The following KLHL1 variants were observed in gnomAD, a reference collection of about 807,000 sequenced individuals.
The protein encoded by KLHL1 is kelch like family member 1.
Under a neutral mutation model 77.7 loss-of-function variants are expected in KLHL1, and 47 were observed. The observed-to-expected ratio is 0.60, with a 90% CI of 0.48 to 0.77. The LOEUF is 0.77. KLHL1 is among the 30% of genes least tolerant of loss of function. The pLI is 0.00. For synonymous variants in KLHL1, 360 were observed against 325.2 expected (o/e 1.11, Z -1.15); for missense variants, 925 against 910.8 (o/e 1.02, Z -0.20).
intron 1 of KLHL1, among the ~76,000 whole-genome samples, chr13:70,030,294 C>G (rs1886061544): frequency 2.6e-5 from 4 of 152,150 alleles, no homozygotes; most frequent in Admixed American, 2.6e-4. Context: ...AATACACATT[C>G]TTCTCAGCAC....
intron 1 of KLHL1, among the ~76,000 whole-genome samples, chr13:69,984,904 T>C (rs1356262408): frequency 6.6e-6 from 1 of 151,492 alleles, no homozygotes; most frequent in Non-Finnish European, 1.5e-5. Context: ...ATGTCAGGAG[T>C]TCAAGACCAG....
chr13:69,717,887 A>C (rs140013200), intron 9 of KLHL1, among the ~76,000 whole-genome samples: 41 of 152,262 alleles, frequency 2.7e-4, no homozygotes, highest in African/African-American at 9.6e-4. Context: ...AGAAAATCTT[A>C]AAGTGAAAAT....
chr13:70,084,189 A>C (rs893402005), intron 1 of KLHL1, among the ~76,000 whole-genome samples: 3 of 152,186 alleles, frequency 2.0e-5, no homozygotes, highest in African/African-American at 7.2e-5. Context: ...TTATACACAC[A>C]CATGTACACA....
rs535551895 is a variant in KLHL1, at chr13:69,723,802, C to T, written c.1803-4221G>A. Among the ~76,000 whole-genome samples the T allele has an allele frequency of 5.3e-5, 8 of 151,532 alleles. No homozygotes were observed. The South Asian group carries it at 6.2e-4, about 12-fold the overall frequency. On this transcript the variant is annotated intron_variant, in intron 8 of 10. Transcript: ENST00000377844. Reference sequence around the variant, plus strand: ...CTTATCATAACCCAGACATTCCTTTCGGCTGATAATAACTCTTTCAGCCAG... The same window carrying T: ...CTTATCATAACCCAGACATTCCTTTTGGCTGATAATAACTCTTTCAGCCAG...
chr13:69,784,881 C>CTTTTTTT (rs1566250066), intron 7 of KLHL1, among the ~76,000 whole-genome samples: 1 of 110,886 alleles, frequency 9.0e-6, no homozygotes. Flanking sequence ...ACAGAATATA[C>CTTTTTTT]ATTTTTTTTT....
intron 1 of KLHL1, among the ~76,000 whole-genome samples, chr13:70,033,508 T>C (rs1278710459): frequency 4.6e-5 from 7 of 151,152 alleles, no homozygotes; most frequent in South Asian, 2.1e-4. Context: ...GGGGTTTCAC[T>C]GTGTTAGCCA....
intron 3 of KLHL1, among the ~76,000 whole-genome samples, chr13:69,947,490 T>G (rs1883569476): frequency 6.6e-6 from 1 of 152,074 alleles, no homozygotes; most frequent in Non-Finnish European, 1.5e-5. Context: ...ATTCAAACCC[T>G]TGATAATAAT....
At chr13:70,039,381 G>A (rs1886317423) in intron 1 of KLHL1, among the ~76,000 whole-genome samples, 1 of 152,010 alleles carries the variant, frequency 6.6e-6, no homozygotes, top group Admixed American at 6.6e-5. Context: ...ACCAGACCTG[G>A]CCTCTTTTAT....
chr13:69,823,218 G>A (rs1878410176), intron 6 of KLHL1, among the ~76,000 whole-genome samples: 1 of 152,108 alleles, frequency 6.6e-6, no homozygotes, highest in Admixed American at 6.6e-5. Flanking sequence ...GCAACCCTGT[G>A]CTCTTGCATC....
chr13:69,704,328 C>T (rs993265155), intron 10 of KLHL1, among the ~76,000 whole-genome samples: 38 of 151,806 alleles, frequency 2.5e-4, no homozygotes, highest in African/African-American at 8.2e-4. Flanking sequence ...AGCAAGCCCT[C>T]TAAATATCTC....
At chr13:69,934,663 T>C (rs1883111773) in intron 4 of KLHL1, among the ~76,000 whole-genome samples, 1 of 151,906 alleles carries the variant, frequency 6.6e-6, no homozygotes. Context: ...CCCTACACAA[T>C]TGGTTCTGCC....
chr13:70,072,068 A>G (rs1172164755), intron 1 of KLHL1, among the ~76,000 whole-genome samples: 2 of 152,126 alleles, frequency 1.3e-5, no homozygotes, highest in East Asian at 3.8e-4. Flanking sequence ...ACTAACCAAG[A>G]TGAAACAGAG....
intron 7 of KLHL1, among the ~76,000 whole-genome samples, chr13:69,750,537 T>G (rs1461298819): frequency 1.3e-5 from 2 of 151,848 alleles, no homozygotes; most frequent in African/African-American, 4.8e-5. Flanking sequence ...TGTATATATA[T>G]GCATAGTTTT....
intron 7 of KLHL1, among the ~76,000 whole-genome samples, chr13:69,768,813 C>A (rs1000290874): frequency 1.2e-4 from 19 of 152,152 alleles, no homozygotes; most frequent in Admixed American, 1.2e-3. Context: ...TCACTAAAAG[C>A]AAAAATAATG....
intron 7 of KLHL1, among the ~76,000 whole-genome samples, chr13:69,747,261 A>T (rs1456511933): frequency 1.3e-5 from 2 of 152,064 alleles, no homozygotes; most frequent in East Asian, 3.9e-4. Context: ...TTAGCTTTTA[A>T]CTTTATTTTT....
At chr13:69,967,714 G>A (rs1187912124) in intron 2 of KLHL1, among the ~76,000 whole-genome samples, 2 of 151,900 alleles carry the variant, frequency 1.3e-5, no homozygotes, top group African/African-American at 4.8e-5. Context: ...GCAAAACCCC[G>A]TCTCTACTAA....
intron 7 of KLHL1, among the ~76,000 whole-genome samples, chr13:69,769,820 G>A (rs922817721): frequency 1.6e-4 from 25 of 151,978 alleles, no homozygotes; most frequent in Non-Finnish European, 2.8e-4. Context: ...CGGTATTCAC[G>A]TACCCTCATT....
intron 4 of KLHL1, among the ~76,000 whole-genome samples, chr13:69,929,022 G>A (rs1452808706): frequency 1.3e-5 from 2 of 151,760 alleles, no homozygotes; most frequent in Non-Finnish European, 2.9e-5. Flanking sequence ...TGTTTTGTGG[G>A]GACATAACAG....
chr13:69,891,400 C>G (rs1370906948), intron 4 of KLHL1, among the ~76,000 whole-genome samples: 4 of 151,994 alleles, frequency 2.6e-5, no homozygotes, highest in Non-Finnish European at 5.9e-5. Flanking sequence ...CTTTCAAGAT[C>G]ATCATACAGG....
Sources: gnomAD v4.1 joint callset for allele counts (sites outside exome capture counted in the v4.1 genomes callset) on GRCh38, gnomAD v4.1.1 for gene constraint, MANE v1.5 for transcripts, NCBI Gene and HGNC (gene_info 2026-07-23, HGNC 2026-07-21) for gene names.